The following TMEM132B variants were observed in gnomAD, a reference collection of about 807,000 sequenced individuals.
TMEM132B encodes the protein transmembrane protein 132B.
In TMEM132B, 18 loss-of-function variants were observed where a neutral mutation model predicts 90.8. That is an observed-to-expected ratio of 0.20 (90% CI 0.14 to 0.29). The LOEUF is 0.29. TMEM132B is among the 10% of genes least tolerant of loss of function. The pLI is 1.00. For missense variants in TMEM132B, 1,096 were observed against 1,326.8 expected (o/e 0.83, Z 2.70); for synonymous variants, 504 against 523.3 (o/e 0.96, Z 0.50).
At chr12:125,599,212 T>G (rs1261550926) in intron 5 of TMEM132B, among the ~76,000 whole-genome samples, 1 of 152,182 alleles carries the variant, frequency 6.6e-6, no homozygotes, top group Non-Finnish European at 1.5e-5. Flanking sequence ...CTGATTGTTT[T>G]ATAAAGGGCA....
At chr12:125,326,774 C>G in intron 1 of TMEM132B, 1 of 1,273,678 alleles carries the variant, frequency 7.9e-7, no homozygotes, top group South Asian at 1.5e-5. Flanking sequence ...CCCTTTGCAG[C>G]AAACTTCTTG....
At chr12:125,282,148 T>A (rs1184309836) in intron 1 of TMEM132B, among the ~76,000 whole-genome samples, 1 of 151,802 alleles carries the variant, frequency 6.6e-6, no homozygotes, top group African/African-American at 2.4e-5. Context: ...GTGCATCACA[T>A]TTGCCATCCT....
chr12:125,489,082 A>G (rs1882284427), intron 3 of TMEM132B, among the ~76,000 whole-genome samples: 1 of 152,254 alleles, frequency 6.6e-6, no homozygotes. Context: ...CCCTAAAGCA[A>G]TACATTTGCA....
chr12:125,612,195 G>T (rs1028659632), intron 5 of TMEM132B, among the ~76,000 whole-genome samples: 1 of 151,884 alleles, frequency 6.6e-6, no homozygotes, highest in Non-Finnish European at 1.5e-5. Context: ...GACCAATAAG[G>T]CCAGGCACGG....
Position 125,620,776 on chromosome 12 carries a change from C to A in TMEM132B, c.1438-23300C>A, listed in dbSNP as rs115151751. 5.6e-3 allele frequency among the ~76,000 whole-genome samples: 857 copies of A among 152,064 alleles called. 9 individuals are homozygous for A. The highest frequency in any genetic ancestry group is 0.02 in the African/African-American group (821 of 41,518). On this transcript the variant is annotated intron_variant, in intron 5 of 8. Transcript: ENST00000682704. ...GGTGGCAGGAAGGAGAAGTAACAAGCAAAAAGGGAAAAAAGCCCTTTATAA... is the reference window on the plus strand; with the variant it reads ...GGTGGCAGGAAGGAGAAGTAACAAGAAAAAAGGGAAAAAAGCCCTTTATAA...
chr12:125,566,979 G>A (rs1884674641), intron 4 of TMEM132B, among the ~76,000 whole-genome samples: 1 of 151,680 alleles, frequency 6.6e-6, no homozygotes, highest in African/African-American at 2.4e-5. Context: ...GAATAGCTGG[G>A]ATTACAGGTG....
At chr12:125,384,249 C>A (rs1424336048) in intron 2 of TMEM132B, among the ~76,000 whole-genome samples, 1 of 152,138 alleles carries the variant, frequency 6.6e-6, no homozygotes, top group Non-Finnish European at 1.5e-5. Context: ...GGCTGAAACT[C>A]TCTGTATTTC....
intron 4 of TMEM132B, among the ~76,000 whole-genome samples, chr12:125,555,548 G>C (rs1315300128): frequency 7.9e-6 from 1 of 127,146 alleles, no homozygotes; most frequent in Non-Finnish European, 1.6e-5. Context: ...TACCAGCTGA[G>C]ATAAAGGGCC....
intron 1 of TMEM132B, among the ~76,000 whole-genome samples, chr12:125,331,547 CAGGA>C (rs1278086699): frequency 6.6e-6 from 1 of 152,078 alleles, no homozygotes; most frequent in African/African-American, 2.4e-5. Flanking sequence ...TGTGGCTCAC[CAGGA>C]AGAAGCTGAG....
chr12:125,523,674 AG>A, intron 4 of TMEM132B, among the ~76,000 whole-genome samples: 1 of 152,306 alleles, frequency 6.6e-6, no homozygotes, highest in Middle Eastern at 3.4e-3. Flanking sequence ...CTGGGTGCTC[AG>A]GGCTCTCCAT....
chr12:125,457,473 C>A (rs1326788619), intron 3 of TMEM132B, among the ~76,000 whole-genome samples: 8 of 152,304 alleles, frequency 5.3e-5, no homozygotes, highest in African/African-American at 1.9e-4. Flanking sequence ...GCATAATTAA[C>A]GTCAGCCAGA....
intron 1 of TMEM132B, among the ~76,000 whole-genome samples, chr12:125,309,526 G>A (rs1307269906): frequency 6.6e-6 from 1 of 151,826 alleles, no homozygotes; most frequent in East Asian, 1.9e-4. Context: ...CCTAGGCAGG[G>A]AAAACTCAGA....
At chr12:125,642,961 G>A (rs912399311) in intron 5 of TMEM132B, among the ~76,000 whole-genome samples, 12 of 152,068 alleles carry the variant, frequency 7.9e-5, no homozygotes, top group Admixed American at 2.6e-4. Flanking sequence ...GGTGGGTGGC[G>A]AGGTGGTAAT....
chr12:125,190,818 T>C (rs922200760), intron 1 of TMEM132B, among the ~76,000 whole-genome samples: 1 of 10,506 alleles, frequency 9.5e-5, no homozygotes. Flanking sequence ...GAAGGGGTGG[T>C]GATGGTGATG....
At chr12:125,521,170 G>A (rs1172131632) in intron 4 of TMEM132B, among the ~76,000 whole-genome samples, 1 of 152,260 alleles carries the variant, frequency 6.6e-6, no homozygotes, top group East Asian at 1.9e-4. Context: ...TTCACTGTGG[G>A]TTTGGAAGCT....
intron 3 of TMEM132B, among the ~76,000 whole-genome samples, chr12:125,449,659 T>C (rs557780766): frequency 6.7e-6 from 1 of 149,546 alleles, no homozygotes; most frequent in South Asian, 2.1e-4. Context: ...TGGTATGACA[T>C]GGAAGTGTAT....
intron 1 of TMEM132B, among the ~76,000 whole-genome samples, chr12:125,208,216 T>TGGCAGTA (rs1873227677): frequency 6.6e-6 from 1 of 152,172 alleles, no homozygotes; most frequent in Non-Finnish European, 1.5e-5. Context: ...AATGGAGGGA[T>TGGCAGTA]GGCAGTAGAC....
chr12:125,248,874 G>T (rs1402872583), intron 1 of TMEM132B, among the ~76,000 whole-genome samples: 1 of 152,064 alleles, frequency 6.6e-6, no homozygotes, highest in Admixed American at 6.5e-5. Flanking sequence ...GCACCAACAT[G>T]TCCTGCTGTC....
At chr12:125,368,668 G>A (rs891069310) in intron 2 of TMEM132B, among the ~76,000 whole-genome samples, 11 of 152,158 alleles carry the variant, frequency 7.2e-5, no homozygotes, top group African/African-American at 1.9e-4. Flanking sequence ...CAGAGGCTGC[G>A]TATCCTCCAT....
Sources: gnomAD v4.1 joint callset for allele counts (sites outside exome capture counted in the v4.1 genomes callset) on GRCh38, gnomAD v4.1.1 for gene constraint, MANE v1.5 for transcripts, NCBI Gene and HGNC (gene_info 2026-07-23, HGNC 2026-07-21) for gene names.